The following ANKH variants were observed in gnomAD, a reference collection of about 807,000 sequenced individuals.
ANKH encodes the protein ANKH inorganic pyrophosphate transport regulator, also known as mineralization regulator ANKH.
A neutral mutation model predicts 49.0 loss-of-function variants in ANKH; 15 were observed. The observed-to-expected ratio is 0.31, with a 90% CI of 0.20 to 0.47. The LOEUF (loss-of-function observed/expected upper bound fraction) is 0.47, where lower values mean the gene tolerates loss of function less well. Ranked by LOEUF, ANKH falls within the 20% of genes least tolerant of loss-of-function variation. ANKH has a pLI of 1.00. For synonymous variants in ANKH, 273 were observed against 260.0 expected (o/e 1.05, Z -0.48); for missense variants, 429 against 652.0 (o/e 0.66, Z 3.72).
chr5:14,741,666 C>T (rs1178045757), intron 8 of ANKH, 161 bp downstream of exon 8: 4 of 638,036 alleles, frequency 6.3e-6, no homozygotes, highest in Non-Finnish European at 1.1e-5. Flanking sequence ...CCTTGAATAA[C>T]AATCGTTCAC....
intron 1 of ANKH, among the ~76,000 whole-genome samples, chr5:14,845,843 C>CTT (rs59264153): frequency 0.058 from 4,807 of 82,398 alleles, 858 homozygotes; most frequent in African/African-American, 0.071. Flanking sequence ...CCTATGCACA[C>CTT]TTTTTTTTTT....
chr5:14,847,391 T>A (rs571214662), intron 1 of ANKH, among the ~76,000 whole-genome samples: 2 of 152,208 alleles, frequency 1.3e-5, no homozygotes, highest in South Asian at 2.1e-4. Flanking sequence ...CTATATTGAG[T>A]CCTGACTGTG....
At chr5:14,769,686 T>C (rs1373904001) in intron 1 of ANKH, among the ~76,000 whole-genome samples, 1 of 152,036 alleles carries the variant, frequency 6.6e-6, no homozygotes, top group African/African-American at 2.4e-5. Flanking sequence ...GTATGTGTTA[T>C]GTATTCTTCA....
Position 14,706,633 on chromosome 5 carries a change from G to A in ANKH, c.*4564C>T, listed in dbSNP as rs1230862963. On this transcript the variant is annotated 3_prime_UTR_variant, in exon 12 of 12. Transcript: ENST00000284268. ...GCAATTTCTCTCATTTTGAACATTT[G>A]CATGATTTTAGACATTTTGCCTTTA... The A allele has an allele frequency of 6.6e-6, 1 of 152,222 alleles. No homozygotes were observed. The highest frequency in any genetic ancestry group is 1.9e-4 in the East Asian group (1 of 5,182). 9.4% of individuals were successfully genotyped at this position (152,222 alleles called of 1,614,324 possible).
intron 8 of ANKH, among the ~76,000 whole-genome samples, chr5:14,720,405 C>A (rs1321099526): frequency 6.6e-6 from 1 of 152,208 alleles, no homozygotes; most frequent in East Asian, 1.9e-4. Flanking sequence ...TACTAGCCTA[C>A]AAGGGTGAGA....
chr5:14,833,560 C>T (rs1037214270), intron 1 of ANKH, among the ~76,000 whole-genome samples: 2 of 152,166 alleles, frequency 1.3e-5, no homozygotes, highest in African/African-American at 4.8e-5. Flanking sequence ...CCCAAAGCTA[C>T]AAGAGAAAAG....
intron 8 of ANKH, among the ~76,000 whole-genome samples, chr5:14,728,643 G>T (rs1737896434): frequency 6.6e-6 from 1 of 152,210 alleles, no homozygotes; most frequent in Admixed American, 6.5e-5. Flanking sequence ...ATCCGCCCAA[G>T]AGGGCTGAGT....
intron 1 of ANKH, among the ~76,000 whole-genome samples, chr5:14,799,135 C>A (rs1177387368): frequency 6.6e-6 from 1 of 152,242 alleles, no homozygotes; most frequent in Non-Finnish European, 1.5e-5. Flanking sequence ...AAACCACCCA[C>A]AACATTCCCT....
intron 2 of ANKH, among the ~76,000 whole-genome samples, chr5:14,759,379 C>T (rs1739000980): frequency 6.6e-6 from 1 of 152,144 alleles, no homozygotes; most frequent in Admixed American, 6.5e-5. Context: ...GTCAGGAATC[C>T]TGACAGATAT....
At chr5:14,792,511 C>T (rs1740201507) in intron 1 of ANKH, among the ~76,000 whole-genome samples, 1 of 152,070 alleles carries the variant, frequency 6.6e-6, no homozygotes, top group Admixed American at 6.5e-5. Flanking sequence ...AGGTGAATCT[C>T]CCTCACAGTG....
chr5:14,728,804 G>A lies in ANKH; in HGVS notation c.1012-11969C>T, dbSNP rs552893711. Among the ~76,000 whole-genome samples, 9 of 152,290 alleles carry A rather than the reference G, an allele frequency of 5.9e-5. No homozygotes were observed. In the East Asian group the frequency reaches 1.5e-3, roughly 26 times the overall value. On this transcript the variant is annotated intron_variant, in intron 8 of 11. Transcript: ENST00000284268. ...CAAGCTCAGATTCTGCTACCTTCTAGCACATGACAGAAGGACTCAGAACTG... is the reference window on the plus strand; with the variant it reads ...CAAGCTCAGATTCTGCTACCTTCTAACACATGACAGAAGGACTCAGAACTG...
intron 3 of ANKH, among the ~76,000 whole-genome samples, chr5:14,758,014 G>T (rs756939112): frequency 1.3e-5 from 2 of 152,200 alleles, no homozygotes; most frequent in Non-Finnish European, 2.9e-5. Context: ...CCCAAAGGTG[G>T]AAGCAACGCA....
chr5:14,717,707 C>G (rs1234013144), intron 8 of ANKH, among the ~76,000 whole-genome samples: 2 of 152,182 alleles, frequency 1.3e-5, no homozygotes, highest in Non-Finnish European at 2.9e-5. Context: ...GGCAGAGTTA[C>G]TACAGGTTGA....
rs4604194 is a variant in ANKH, at chr5:14,745,380, C to T, written c.915+490G>A. ...AGAGCAGCTGTCAACAGGCTTTCCA[C>T]TGGAATACGTCTGCAATATCAAAAC... On this transcript the variant is annotated intron_variant, in intron 7 of 11. Transcript: ENST00000284268. This position sits in a 1 kb window ranked among gnomAD's most constrained non-coding sequence, Gnocchi z 4.7. Among the ~76,000 whole-genome samples the T allele has an allele frequency of 0.015, 2,358 of 152,224 alleles. 55 individuals are homozygous for T. The highest frequency in any genetic ancestry group is 0.054 in the African/African-American group (2,234 of 41,516).
chr5:14,728,939 G>T (rs1368843431), intron 8 of ANKH, among the ~76,000 whole-genome samples: 1 of 152,212 alleles, frequency 6.6e-6, no homozygotes, highest in African/African-American at 2.4e-5. Context: ...AAGCTCACCA[G>T]GGCGCGGAAG....
rs1024366406 is a variant in ANKH, at chr5:14,713,381, A to G, written c.1265+163T>C. Among the ~76,000 whole-genome samples the G allele has an allele frequency of 1.3e-5, 2 of 152,212 alleles. No homozygotes were observed. ...AAAGCACTTTTCTAAAATGGATCCC[A>G]AGAGCCTCCACCTGGTGCCTGGGCA... On this transcript the variant is annotated intron_variant, in intron 10 of 11. Coordinates refer to ENST00000284268, the MANE Select transcript of ANKH (RefSeq NM_054027.6). The surrounding 1 kb of genome is among the most constrained non-coding windows in gnomAD (Gnocchi z 4.4).
intron 1 of ANKH, among the ~76,000 whole-genome samples, chr5:14,783,915 A>T (rs1368319457): frequency 6.6e-6 from 1 of 152,142 alleles, no homozygotes; most frequent in Non-Finnish European, 1.5e-5. Context: ...TTGTTTCTGA[A>T]AATTAGAGCA....
intron 1 of ANKH, among the ~76,000 whole-genome samples, chr5:14,811,004 G>T (rs77731404): frequency 2.7e-5 from 1 of 37,686 alleles, no homozygotes; most frequent in Non-Finnish European, 5.2e-5. Context: ...GAAGAAGGAA[G>T]GGGGGGAATA....
At position 14,745,306 on chromosome 5, in the gene ANKH, C is replaced by A. The variant is rs1293741493; in HGVS notation, c.915+564G>T. On this transcript the variant is annotated intron_variant, in intron 7 of 11. Coordinates refer to ENST00000284268, the MANE Select transcript of ANKH (RefSeq NM_054027.6). The surrounding 1 kb of genome is among the most constrained non-coding windows in gnomAD (Gnocchi z 4.7). ...GACAGCAGGACAGTGCTGACTGGGT[C>A]ACAAGTTACAGGGCAGAAGGGTTAT... is the stretch of plus-strand genomic sequence containing the variant. Among the ~76,000 whole-genome samples the A allele has an allele frequency of 6.6e-6, 1 of 152,210 alleles. No homozygotes were observed. The highest frequency in any genetic ancestry group is 2.4e-5 in the African/African-American group (1 of 41,448).
Sources: allele counts gnomAD v4.1 joint callset (sites outside exome capture counted in the v4.1 genomes callset), GRCh38; gene constraint gnomAD v4.1.1; non-coding constraint Gnocchi (gnomAD v3.1); transcripts MANE v1.5; gene names NCBI Gene and HGNC (gene_info 2026-07-23, HGNC 2026-07-21).